The following ZFP64 variants were observed in gnomAD, a reference collection of about 807,000 sequenced individuals.
ZFP64 encodes zinc finger protein 64.
Under a neutral mutation model 51.6 loss-of-function variants are expected in ZFP64, and 14 were observed. The observed-to-expected ratio is 0.27, with a 90% CI of 0.18 to 0.42. The LOEUF (loss-of-function observed/expected upper bound fraction) is 0.42, where lower values mean the gene tolerates loss of function less well. Ranked by LOEUF, ZFP64 falls within the 10% of genes least tolerant of loss-of-function variation. The pLI, the probability that ZFP64 is intolerant of heterozygous loss-of-function variation, is 1.00. For missense variants in ZFP64, 754 were observed against 906.8 expected, an observed-to-expected ratio of 0.83 and a Z score of 2.16; for synonymous variants, 375 against 361.4, an observed-to-expected ratio of 1.04 and a Z score of -0.43.
At chr20:52,184,030 T>A (rs564950218) in intron 2 of ZFP64, among the ~76,000 whole-genome samples, 1 of 152,234 alleles carries the variant, frequency 6.6e-6, no homozygotes, top group African/African-American at 2.4e-5. Flanking sequence ...TTTGTATTTT[T>A]ACTAGAGATG....
At chr20:52,187,198 T>C in intron 1 of ZFP64, 127 bp from the exon 2 acceptor site, 1 of 921,672 alleles carries the variant, frequency 1.1e-6, no homozygotes, top group South Asian at 1.8e-5. Flanking sequence ...CAGTATCCAC[T>C]CCACCTTCCT....
Position 52,186,962 on chromosome 20 carries a change from A to C in ZFP64, c.156T>G (p.Ser52Arg). The change falls in exon 2 of 6, where the codon AGT becomes AGG. Residue 52 changes from serine (S) to arginine (R), a missense_variant. This residue lies in a region of ZFP64 where 95 missense variants were observed against 97.7 expected (regional missense o/e 0.97). Coordinates refer to ENST00000216923, the MANE Select transcript of ZFP64 (RefSeq NM_018197.3). ...NLDAFVAHKQ[S>R]GCQLTGTSAA... ...CGGATGTGCCTGTCAGCTGGCAGCCACTTTGCTTGTGAGCTACAAAGGCAT... is the reference window on the plus strand; with the variant it reads ...CGGATGTGCCTGTCAGCTGGCAGCCCCTTTGCTTGTGAGCTACAAAGGCAT... The C allele has an allele frequency of 6.2e-7, 1 of 1,614,124 alleles. No homozygotes were observed. The highest frequency in any genetic ancestry group is 8.5e-7 in the Non-Finnish European group (1 of 1,179,980).
chr20:52,172,363 C>T (rs918320837), intron 2 of ZFP64, among the ~76,000 whole-genome samples: 20 of 152,052 alleles, frequency 1.3e-4, no homozygotes, highest in African/African-American at 4.8e-4. Flanking sequence ...GATCTCAGAG[C>T]TTAGATCTTG....
At chr20:52,183,003 A>G (rs1450819858) in intron 2 of ZFP64, among the ~76,000 whole-genome samples, 2 of 152,124 alleles carry the variant, frequency 1.3e-5, no homozygotes, top group Non-Finnish European at 2.9e-5. Flanking sequence ...TCTTTGAGAA[A>G]ATGCCTTTAA....
At chr20:52,104,753 C>T (rs1198065274) in intron 5 of ZFP64, 3 of 530,492 alleles carry the variant, frequency 5.7e-6, no homozygotes, top group East Asian at 5.4e-5. Flanking sequence ...AACCCCAAGG[C>T]AAGAAGCCAC....
chr20:52,084,543 C>G (rs1290240884), exon 9 of ZFP64: 2 of 1,603,310 alleles, frequency 1.2e-6, no homozygotes, highest in South Asian at 2.2e-5. Flanking sequence ...AGCTGACCAC[C>G]CTCTTCGGCT....
chr20:52,106,562 C>T (rs545902954), intron 5 of ZFP64, among the ~76,000 whole-genome samples: 1 of 152,160 alleles, frequency 6.6e-6, no homozygotes, highest in East Asian at 1.9e-4. Context: ...GCGAACCCCA[C>T]GGCGGGGCCT....
chr20:52,189,702 G>A (rs1045319277), intron 1 of ZFP64, among the ~76,000 whole-genome samples: 4 of 151,888 alleles, frequency 2.6e-5, no homozygotes, highest in Admixed American at 2.0e-4. Flanking sequence ...TTGAACTCCC[G>A]ACCTCATGTG....
Position 52,186,818 on chromosome 20 carries a change from T to G in ZFP64, c.286+14A>C, listed in dbSNP as rs1983999685. On this transcript the variant is annotated intron_variant, in intron 2 of 5. Coordinates refer to ENST00000216923, the MANE Select transcript of ZFP64 (RefSeq NM_018197.3). ...AGGCCAATTCTGGCCGACTCCCCCA[T>G]GCTCCAGCTGTACCTGTGATTGTCT... The G allele has an allele frequency of 6.3e-7, 1 of 1,591,982 alleles. No homozygotes were observed. The highest frequency in any genetic ancestry group is 8.6e-7 in the Non-Finnish European group (1 of 1,162,326).
At chr20:52,099,924 G>A (rs919756190) in intron 5 of ZFP64, among the ~76,000 whole-genome samples, 1 of 152,198 alleles carries the variant, frequency 6.6e-6, no homozygotes, top group African/African-American at 2.4e-5. Context: ...CAAAGATTAA[G>A]TACTAGAAGA....
In ZFP64 at chr20:52,153,087, G is replaced by A. The variant is rs765427977; in HGVS notation, c.1105C>T (p.Arg369Cys). The A allele has an allele frequency of 1.9e-6, 3 of 1,614,038 alleles. No homozygotes were observed. The highest frequency in any genetic ancestry group is 1.1e-5 in the South Asian group (1 of 91,082). The change falls in exon 6 of 6, where the codon CGC (arginine) becomes TGC (cysteine). Residue 369 changes from arginine (R) to cysteine (C), a missense_variant. By Grantham distance (180) the Arg-to-Cys change is radical. This residue lies in a region of ZFP64 where 428 missense variants were observed against 472.4 expected (regional missense o/e 0.91). Transcript: ENST00000216923. The surrounding 1 kb of genome is among the most constrained non-coding windows in gnomAD (Gnocchi z 5.1). ...RIHERIHCTDRPFKCNYCSFD... is the reference protein window; with the variant it reads ...RIHERIHCTDCPFKCNYCSFD... ...CTGCAGTAGTTGCACTTGAAAGGGC[G>A]GTCGGTGCAGTGGATACGCTCGTGG...
chr20:52,110,943 C>G, intron 5 of ZFP64: 1 of 1,560,522 alleles, frequency 6.4e-7, no homozygotes, highest in South Asian at 1.1e-5. Flanking sequence ...CGTAGCGGTA[C>G]TGGGTGTTGA....
rs139267211 is a variant in ZFP64 at position 52,160,148 on chromosome 20, G to A, written c.738C>T (p.Leu246=). The change falls in exon 5 of 6, where the codon CTC becomes CTT. Residue 246 remains leucine (L), a synonymous_variant. Coordinates refer to ENST00000216923, the MANE Select transcript of ZFP64 (RefSeq NM_018197.3). The surrounding 1 kb of genome is among the most constrained non-coding windows in gnomAD (Gnocchi z 4.2). ...CCGTGTGGGATCGCAGGTGGACAGT[G>A]AGCTGGCTGGAGTTGCGGCTGGCGT... ...CPYASRNSSQ[L]TVHLRSHTGD... is the part of the protein sequence containing the mutation. The A allele has an allele frequency of 8.1e-5, 130 of 1,613,914 alleles. 3 individuals are homozygous for A. In the Middle Eastern group the frequency reaches 6.7e-3, roughly 84 times the overall value.
rs1981696042 is a variant in ZFP64, at chr20:52,160,462, A to C, written c.512-88T>G. On this transcript the variant is annotated intron_variant, in intron 4 of 5. Transcript: ENST00000216923. The surrounding 1 kb of genome is among the most constrained non-coding windows in gnomAD (Gnocchi z 4.2). ...TTCCCACTGCCTTACGAAAAAAGTC[A>C]TATACAACCACCGAAGAATATTCCA... 6.7e-7 allele frequency: 1 copy of C among 1,495,878 alleles called. No individual in the cohort carries two copies. The highest frequency in any genetic ancestry group is 8.9e-7 in the Non-Finnish European group (1 of 1,123,890). The allele number at this position is 1,495,878 out of a possible 1,614,324, so 92.7% of individuals were successfully genotyped here.
Position 52,152,946 on chromosome 20 carries a change from C to A in ZFP64, c.1246G>T (p.Val416Leu), listed in dbSNP as rs139307001. The A allele has an allele frequency of 1.1e-4, 178 of 1,613,766 alleles. 1 individual carries two copies. The African/African-American group carries it at 2.0e-3, about 18-fold the overall frequency. The change falls in exon 6 of 6, where the codon GTG becomes TTG. Residue 416 changes from valine (V) to leucine (L), a missense_variant. Physicochemically the swap from Val to Leu is conservative, Grantham distance 32. Transcript: ENST00000216923. The part of the protein sequence containing the change: ...KDTGRQSSRQ[V>L]AKLDAKKSFH... Reference sequence around the variant, plus strand: ...CTCTTCTTGGCATCCAGCTTGGCCACCTGCCGGCTGCTCTGCCTGCCGGTG... The same window carrying A: ...CTCTTCTTGGCATCCAGCTTGGCCAACTGCCGGCTGCTCTGCCTGCCGGTG...
chr20:52,102,678 G>A (rs2079065919), intron 5 of ZFP64, among the ~76,000 whole-genome samples: 1 of 152,164 alleles, frequency 6.6e-6, no homozygotes, highest in Admixed American at 6.5e-5. Flanking sequence ...AGTGGTTTGG[G>A]GAACAGACTG....
intron 5 of ZFP64, among the ~76,000 whole-genome samples, chr20:52,141,155 G>C (rs1349951314): frequency 6.6e-6 from 1 of 152,168 alleles, no homozygotes. Flanking sequence ...CAAGAGCTCT[G>C]ATGGAGATGT....
intron 3 of ZFP64, chr20:52,165,277 T>C (rs1193577314): frequency 2.2e-6 from 1 of 456,338 alleles, no homozygotes; most frequent in East Asian, 6.9e-5. Context: ...ATGATTGTCC[T>C]GTGGTTATTT....
At chr20:52,098,662 G>A in intron 5 of ZFP64, 3 of 1,587,254 alleles carry the variant, frequency 1.9e-6, no homozygotes, top group South Asian at 2.2e-5. Flanking sequence ...CAGTAGGTTT[G>A]GGCTTATTTC....
Sources: allele counts gnomAD v4.1 joint callset (sites outside exome capture counted in the v4.1 genomes callset), GRCh38; gene constraint gnomAD v4.1.1; regional missense constraint gnomAD v4.1.1; non-coding constraint Gnocchi (gnomAD v3.1); transcripts MANE v1.5; gene names NCBI Gene and HGNC (gene_info 2026-07-23, HGNC 2026-07-21).